The following BBX variants were observed in gnomAD, a reference collection of about 807,000 sequenced individuals.
BBX encodes the protein BBX high mobility group box domain containing, also known as HMG box transcription factor BBX.
Under a neutral mutation model 100.2 loss-of-function variants are expected in BBX, and 30 were observed. That is an observed-to-expected ratio of 0.30 (90% confidence interval 0.22 to 0.41). BBX has a LOEUF of 0.41. BBX is among the 10% of genes least tolerant of loss of function. BBX has a pLI of 1.00. For missense variants in BBX, 1,023 were observed against 1,129.8 expected, an observed-to-expected ratio of 0.91 and a Z score of 1.35; for synonymous variants, 376 against 388.1, an observed-to-expected ratio of 0.97 and a Z score of 0.37.
intron 3 of BBX, among the ~76,000 whole-genome samples, chr3:107,681,127 G>C (rs748101998): frequency 6.6e-6 from 1 of 152,094 alleles, no homozygotes; most frequent in Admixed American, 6.6e-5. Context: ...AAGCCAATTT[G>C]GATAGCTTAT....
At chr3:107,579,783 C>T (rs1332792666) in intron 2 of BBX, among the ~76,000 whole-genome samples, 1 of 152,158 alleles carries the variant, frequency 6.6e-6, no homozygotes, top group Admixed American at 6.5e-5. Flanking sequence ...AGTTGGATAT[C>T]GAGCTGCCTC....
chr3:107,574,057 T>C (rs1336080842), intron 2 of BBX, among the ~76,000 whole-genome samples: 1 of 152,242 alleles, frequency 6.6e-6, no homozygotes, highest in Non-Finnish European at 1.5e-5. Flanking sequence ...CTTATGTTTG[T>C]TCAGACCATG....
chr3:107,544,767 C>G (rs539364706), intron 2 of BBX, among the ~76,000 whole-genome samples: 4 of 146,758 alleles, frequency 2.7e-5, no homozygotes, highest in Admixed American at 6.9e-5. Context: ...GCACTTTGGG[C>G]GGCCAAGGCG....
intron 2 of BBX, among the ~76,000 whole-genome samples, chr3:107,551,564 A>G (rs1284677357): frequency 3.9e-5 from 6 of 152,244 alleles, no homozygotes; most frequent in African/African-American, 1.4e-4. Context: ...TGTAATATGC[A>G]TGATCCTTTC....
chr3:107,552,671 A>T (rs1262688493), intron 2 of BBX, among the ~76,000 whole-genome samples: 2 of 152,220 alleles, frequency 1.3e-5, no homozygotes, highest in African/African-American at 4.8e-5. Context: ...TGTATTTTAA[A>T]AATCAGTAAA....
chr3:107,755,786 A>AT, intron 10 of BBX, 108 bp downstream of exon 10: 1 of 904,828 alleles, frequency 1.1e-6, no homozygotes, highest in Non-Finnish European at 1.7e-6. Context: ...CCATAAAATG[A>AT]GTTACATCTA....
chr3:107,596,753 C>G (rs964819956), intron 2 of BBX, among the ~76,000 whole-genome samples: 2 of 152,120 alleles, frequency 1.3e-5, no homozygotes, highest in Admixed American at 6.5e-5. Flanking sequence ...ATTTTGGCAA[C>G]ATTTTCATCT....
chr3:107,535,366 A>G (rs987708810), intron 2 of BBX, among the ~76,000 whole-genome samples: 4 of 152,056 alleles, frequency 2.6e-5, no homozygotes, highest in African/African-American at 9.7e-5. Flanking sequence ...GTAAATTTTC[A>G]TCTGTAAGAT....
chr3:107,671,625 A>G (rs1312414528), intron 3 of BBX, among the ~76,000 whole-genome samples: 3 of 152,140 alleles, frequency 2.0e-5, no homozygotes, highest in Admixed American at 6.6e-5. Context: ...AAGGCCAGAA[A>G]CATACAGAGA....
chr3:107,736,447 A>G (rs1390156494), intron 7 of BBX, among the ~76,000 whole-genome samples: 1 of 151,992 alleles, frequency 6.6e-6, no homozygotes. Context: ...TTAAAGAACC[A>G]GAAATAAAAA....
intron 2 of BBX, among the ~76,000 whole-genome samples, chr3:107,618,180 G>A (rs558136597): frequency 6.6e-6 from 1 of 151,784 alleles, no homozygotes; most frequent in East Asian, 1.9e-4. Flanking sequence ...TACATTCCTT[G>A]ATTTTTGAAT....
At chr3:107,769,010 C>G (rs1405828681) in intron 10 of BBX, among the ~76,000 whole-genome samples, 82 of 124,968 alleles carry the variant, frequency 6.6e-4, no homozygotes, top group South Asian at 1.3e-3. Flanking sequence ...TGGGGGGCGG[C>G]GGGGGGGGGG....
rs115015625 is a variant in BBX at position 107,761,323 on chromosome 3, A to G, written c.906+5645A>G. 8.6e-3 allele frequency among the ~76,000 whole-genome samples: 1,312 copies of G among 152,320 alleles called. 11 individuals are homozygous for G. Among genetic ancestry groups the G allele is most frequent in the Non-Finnish European group, 0.014 (960 of 68,030 alleles). On this transcript the variant is annotated intron_variant, in intron 10 of 17. Coordinates refer to ENST00000325805, the MANE Select transcript of BBX (RefSeq NM_001142568.3). ...TGTTTAGTGCAGAGCAAATAAATAT[A>G]TACTTGAAAATAATGAGGAGCCATT...
rs971036629 is a variant in BBX, at chr3:107,806,620, T to G, written c.*1163T>G. On this transcript the variant is annotated 3_prime_UTR_variant, in exon 18 of 18. Transcript: ENST00000325805. Reference sequence around the variant, plus strand: ...TCTCAGTCATAGATCCACCTGCAAGTCTCTGTTTCCTTTTTGTGTTTTGTT... The same window carrying G: ...TCTCAGTCATAGATCCACCTGCAAGGCTCTGTTTCCTTTTTGTGTTTTGTT... 14 of 152,230 alleles carry G rather than the reference T, an allele frequency of 9.2e-5. No individual in the cohort carries two copies. The highest frequency in any genetic ancestry group is 3.4e-4 in the African/African-American group (14 of 41,454). The allele number at this position is 152,230 out of a possible 1,614,324, so 9.4% of individuals were successfully genotyped here. A position where few individuals can be genotyped will look rare whatever the true frequency, so the allele number is the denominator to read the frequency against.
intron 5 of BBX, among the ~76,000 whole-genome samples, chr3:107,717,302 A>G (rs1468851144): frequency 6.6e-6 from 1 of 152,072 alleles, no homozygotes; most frequent in Non-Finnish European, 1.5e-5. Context: ...TAGTTATATC[A>G]TGGGAAAGAG....
intron 9 of BBX, among the ~76,000 whole-genome samples, chr3:107,749,427 A>G (rs2064887603): frequency 6.6e-6 from 1 of 152,114 alleles, no homozygotes; most frequent in African/African-American, 2.4e-5. Flanking sequence ...AAAACAATTG[A>G]TTTGCCATGT....
Position 107,810,866 on chromosome 3 carries a change from CCAGGT to C in BBX, c.*5411_*5415del, listed in dbSNP as rs751078732. ...AATTAACCACAGCTTCATTTGACCACCAGGTCTAAAGTCTGTTGACAGTTTCAGCA... is the reference window on the plus strand; with the variant it reads ...AATTAACCACAGCTTCATTTGACCACCTAAAGTCTGTTGACAGTTTCAGCA... On this transcript the variant is annotated 3_prime_UTR_variant, in exon 18 of 18. Transcript: ENST00000325805. The C allele has an allele frequency of 5.3e-5, 8 of 152,162 alleles. No individual in the cohort carries two copies. The highest frequency in any genetic ancestry group is 7.4e-5 in the Non-Finnish European group (5 of 68,020). The allele number at this position is 152,162 out of a possible 1,614,324, so 9.4% of individuals were successfully genotyped here.
At chr3:107,703,313 C>A (rs1279751858) in intron 3 of BBX, among the ~76,000 whole-genome samples, 1 of 152,202 alleles carries the variant, frequency 6.6e-6, no homozygotes, top group African/African-American at 2.4e-5. Context: ...TAGCTTGCTA[C>A]TGACTTCTCT....
intron 2 of BBX, among the ~76,000 whole-genome samples, chr3:107,528,505 G>T (rs547934545): frequency 1.3e-5 from 2 of 151,958 alleles, no homozygotes; most frequent in African/African-American, 4.8e-5. Context: ...CTTGATCTTC[G>T]TATCCATTTT....
Sources: gnomAD v4.1 joint callset for allele counts (sites outside exome capture counted in the v4.1 genomes callset) on GRCh38, gnomAD v4.1.1 for gene constraint, MANE v1.5 for transcripts, NCBI Gene and HGNC (gene_info 2026-07-23, HGNC 2026-07-21) for gene names.